DLG2: variants seen among roughly 807,000 people sequenced by gnomAD.
DLG2 encodes the protein disks large homolog 2.
DLG2 carries 45 observed loss-of-function variants against 132.5 expected under a neutral mutation model. The observed-to-expected ratio is 0.34, with a 90% CI of 0.27 to 0.44. The LOEUF (loss-of-function observed/expected upper bound fraction) is 0.44, where lower values mean the gene tolerates loss of function less well. Among genes scored for constraint, DLG2 ranks in the 20% least tolerant of loss-of-function variants. DLG2 has a pLI of 1.00. For missense variants in DLG2, 1,045 were observed against 1,196.9 expected (o/e 0.87, Z 1.87); for synonymous variants, 424 against 419.6 (o/e 1.01, Z -0.13).
intron 7 of DLG2, among the ~76,000 whole-genome samples, chr11:84,487,730 A>G (rs907135312): frequency 3.3e-5 from 5 of 152,150 alleles, no homozygotes; most frequent in African/African-American, 1.2e-4. Flanking sequence ...ATAATTAAGA[A>G]AAACCATGGG....
At chr11:85,508,683 A>G (rs539145354) in intron 3 of DLG2, among the ~76,000 whole-genome samples, 2 of 152,236 alleles carry the variant, frequency 1.3e-5, no homozygotes, top group Non-Finnish European at 2.9e-5. Context: ...AATATTAAAC[A>G]AAAACAAACA....
chr11:84,284,870 C>G (rs996921993), intron 7 of DLG2, among the ~76,000 whole-genome samples: 1 of 152,142 alleles, frequency 6.6e-6, no homozygotes, highest in Non-Finnish European at 1.5e-5. Flanking sequence ...TGTTCTCAGC[C>G]TTTAGTGCAT....
intron 3 of DLG2, among the ~76,000 whole-genome samples, chr11:85,412,254 T>C (rs926719435): frequency 3.3e-5 from 5 of 151,750 alleles, no homozygotes; most frequent in African/African-American, 1.2e-4. Context: ...AATAAGGAAT[T>C]GTATAGTCCT....
intron 3 of DLG2, among the ~76,000 whole-genome samples, chr11:85,295,578 G>C: frequency 6.6e-6 from 1 of 152,162 alleles, no homozygotes; most frequent in East Asian, 1.9e-4. Flanking sequence ...ATTCACATTT[G>C]ACACTTAAGC....
intron 6 of DLG2, among the ~76,000 whole-genome samples, chr11:84,729,445 G>T (rs549805218): frequency 6.6e-6 from 1 of 152,056 alleles, no homozygotes; most frequent in African/African-American, 2.4e-5. Context: ...CCGAGAGACT[G>T]TTTGTTATGA....
intron 10 of DLG2, among the ~76,000 whole-genome samples, chr11:84,093,189 G>C (rs988371412): frequency 6.6e-6 from 1 of 152,142 alleles, no homozygotes; most frequent in African/African-American, 2.4e-5. Flanking sequence ...TTCTCACAAG[G>C]CTGTATCAAG....
At chr11:85,413,003 G>A (rs918441219) in intron 3 of DLG2, among the ~76,000 whole-genome samples, 2 of 151,700 alleles carry the variant, frequency 1.3e-5, no homozygotes, top group East Asian at 1.9e-4. Context: ...TTTCCATAGT[G>A]GTTGTACTAA....
chr11:84,412,515 T>C (rs1027032588), intron 7 of DLG2, among the ~76,000 whole-genome samples: 1 of 152,186 alleles, frequency 6.6e-6, no homozygotes, highest in Non-Finnish European at 1.5e-5. Flanking sequence ...CAAAGCAACC[T>C]AGGCTTGGTA....
rs11234240 is a variant in DLG2 at position 84,908,093 on chromosome 11, G to A, written c.357+203568C>T. 4.0e-5 allele frequency among the ~76,000 whole-genome samples: 6 copies of A among 151,854 alleles called. No individual in the cohort carries two copies. The East Asian group carries it at 7.8e-4, about 20-fold the overall frequency. On this transcript the variant is annotated intron_variant, in intron 6 of 27. Coordinates refer to ENST00000376104, the MANE Select transcript of DLG2 (RefSeq NM_001142699.3). ...GGGCCTCTCCATCCATGGAAAGAAC[G>A]AGTTACCCTTTAGCCTCCACAACAG...
chr11:85,106,330 C>T (rs928485603), intron 6 of DLG2, among the ~76,000 whole-genome samples: 9 of 151,922 alleles, frequency 5.9e-5, no homozygotes, highest in African/African-American at 2.2e-4. Flanking sequence ...ATATCAATAG[C>T]GCTCATTAAT....
intron 19 of DLG2, among the ~76,000 whole-genome samples, chr11:83,577,141 C>T (rs1199207792): frequency 1.3e-5 from 2 of 151,990 alleles, no homozygotes. Flanking sequence ...GGCCTAGCCT[C>T]CCAGCCTACA....
chr11:84,165,717 G>A (rs1383951643), intron 8 of DLG2, among the ~76,000 whole-genome samples: 1 of 152,066 alleles, frequency 6.6e-6, no homozygotes, highest in Non-Finnish European at 1.5e-5. Flanking sequence ...GGCCAATATG[G>A]TGAAACCCCG....
chr11:85,103,340 C>A (rs1159797856), intron 6 of DLG2, among the ~76,000 whole-genome samples: 1 of 151,876 alleles, frequency 6.6e-6, no homozygotes, highest in African/African-American at 2.4e-5. Context: ...TCTCACACTA[C>A]CAAATTTCCA....
rs2070443573 is a variant in DLG2 at position 83,651,541 on chromosome 11, ATT to A, written c.1826-18218_1826-18217del. 2.3e-5 allele frequency: 4 copies of A among 173,036 alleles called. No individual in the cohort carries two copies. In the South Asian group the frequency reaches 5.7e-4, roughly 24 times the overall value. The allele number at this position is 173,036 out of a possible 1,614,324, so 10.7% of individuals were successfully genotyped here. On this transcript the variant is annotated intron_variant, in intron 18 of 27. Transcript: ENST00000376104. ...GGGTTTGGCAAGACCTTCTGAGTTA[ATT>A]TAGGACAACTTAGTGTTTAGCATAA... is the stretch of plus-strand genomic sequence containing the variant.
intron 18 of DLG2, among the ~76,000 whole-genome samples, chr11:83,778,789 C>T (rs1027595307): frequency 4.1e-4 from 62 of 152,010 alleles, no homozygotes; most frequent in African/African-American, 1.4e-3. Flanking sequence ...CTGGAAAGGA[C>T]CTTTCATGAA....
At position 85,533,561 on chromosome 11, in the gene DLG2, G is replaced by C. The variant is rs117448382; in HGVS notation, c.40+65096C>G. 3.2e-4 allele frequency among the ~76,000 whole-genome samples: 48 copies of C among 151,720 alleles called. 3 individuals carry two copies. In the East Asian group the frequency reaches 9.1e-3, roughly 29 times the overall value. On this transcript the variant is annotated intron_variant, in intron 3 of 27. Coordinates refer to ENST00000376104, the MANE Select transcript of DLG2 (RefSeq NM_001142699.3). ...TAAATCCATCACTGATGGACATATA[G>C]GTTGGTTCCATGTCTTTGCTATTGT...
intron 18 of DLG2, among the ~76,000 whole-genome samples, chr11:83,646,203 C>A (rs1591622837): frequency 6.6e-6 from 1 of 152,216 alleles, no homozygotes; most frequent in South Asian, 2.1e-4. Flanking sequence ...AAAAGAACAC[C>A]TTTCAGACAA....
chr11:84,119,083 T>C (rs918963998), intron 9 of DLG2, among the ~76,000 whole-genome samples: 1 of 152,116 alleles, frequency 6.6e-6, no homozygotes, highest in Non-Finnish European at 1.5e-5. Flanking sequence ...CTCAAAGTTT[T>C]TGTGCATGCA....
intron 15 of DLG2, among the ~76,000 whole-genome samples, chr11:83,905,571 C>T (rs2074518698): frequency 6.6e-6 from 1 of 152,136 alleles, no homozygotes; most frequent in Admixed American, 6.6e-5. Context: ...AAGCTTTTAG[C>T]AAAACAGATG....
Sources: allele counts gnomAD v4.1 joint callset (sites outside exome capture counted in the v4.1 genomes callset), GRCh38; gene constraint gnomAD v4.1.1; transcripts MANE v1.5; gene names NCBI Gene and HGNC (gene_info 2026-07-23, HGNC 2026-07-21).